Variants in EHMT1 observed in about 807,000 individuals in gnomAD.
EHMT1 encodes euchromatic histone lysine methyltransferase 1.
A neutral mutation model predicts 147.2 loss-of-function variants in EHMT1; 15 were observed. The ratio of observed to expected loss-of-function variants is 0.10; its 90% CI spans 0.07 to 0.16. The LOEUF (loss-of-function observed/expected upper bound fraction) is 0.16, where lower values mean the gene tolerates loss of function less well. EHMT1 is among the 10% of genes least tolerant of loss of function. The probability of loss-of-function intolerance (pLI) is 1.00; values close to 1 mark genes in which losing one functional copy is unlikely to be tolerated. For synonymous variants in EHMT1, 795 were observed against 709.6 expected, an observed-to-expected ratio of 1.12 and a Z score of -1.91; for missense variants, 1,587 against 1,772.4, an observed-to-expected ratio of 0.90 and a Z score of 1.88.
rs1313216933 is a variant in EHMT1, at chr9:137,813,364, A to C, written c.3036-22A>C. ...GGCAGAGCACGTCAGCCACCAGGTG[A>C]CACCTGTCCTTTCCATGGCAGGGAC... On this transcript the variant is annotated intron_variant, in intron 20 of 26. Coordinates refer to ENST00000460843, the MANE Select transcript of EHMT1 (RefSeq NM_024757.5). The surrounding 1 kb of genome is among the most constrained non-coding windows in gnomAD (Gnocchi z 4.9). 1.9e-6 allele frequency: 3 copies of C among 1,605,396 alleles called. No individual in the cohort carries two copies.
At chr9:137,726,511 C>T (rs1052077692) in intron 3 of EHMT1, among the ~76,000 whole-genome samples, 2 of 151,794 alleles carry the variant, frequency 1.3e-5, no homozygotes, top group East Asian at 1.9e-4. Flanking sequence ...TTTGCTGATC[C>T]GTTCGCCCGA....
chr9:137,710,678 C>T (rs1485780839), intron 1 of EHMT1, among the ~76,000 whole-genome samples: 1 of 152,084 alleles, frequency 6.6e-6, no homozygotes, highest in Non-Finnish European at 1.5e-5. Flanking sequence ...TGTAACAGAG[C>T]CCAAAGATTT....
chr9:137,698,127 A>G (rs1943552854), intron 1 of EHMT1, among the ~76,000 whole-genome samples: 1 of 152,206 alleles, frequency 6.6e-6, no homozygotes, highest in South Asian at 2.1e-4. Context: ...GCAGAGACAC[A>G]GTGTGGAAAC....
At chr9:137,794,897 G>C (rs980587117) in intron 16 of EHMT1, among the ~76,000 whole-genome samples, 2 of 152,194 alleles carry the variant, frequency 1.3e-5, no homozygotes, top group Non-Finnish European at 2.9e-5. Context: ...GAATCCTGAA[G>C]CTTCCAGGAG....
chr9:137,735,047 T>C (rs1490356828), intron 4 of EHMT1, among the ~76,000 whole-genome samples: 1 of 152,224 alleles, frequency 6.6e-6, no homozygotes, highest in Non-Finnish European at 1.5e-5. Context: ...ATTGTAACAG[T>C]GGTTTGTACC....
At chr9:137,642,666 A>G (rs978921429) in intron 1 of EHMT1, among the ~76,000 whole-genome samples, 1 of 152,136 alleles carries the variant, frequency 6.6e-6, no homozygotes, top group South Asian at 2.1e-4. Flanking sequence ...GCATAGCTTA[A>G]TTTCTTTTGC....
At chr9:137,728,253 G>A (rs995290811) in intron 3 of EHMT1, 96 bp from the exon 4 acceptor site, 3 of 1,529,118 alleles carry the variant, frequency 2.0e-6, no homozygotes, top group South Asian at 2.3e-5. Context: ...CGGTTGTGGG[G>A]AATTATCGGG....
intron 4 of EHMT1, among the ~76,000 whole-genome samples, chr9:137,730,972 A>G (rs760864372): frequency 1.3e-5 from 2 of 152,254 alleles, no homozygotes; most frequent in Admixed American, 6.5e-5. Flanking sequence ...TTGCAAAACT[A>G]TGGAGTTATG....
In EHMT1 at chr9:137,762,785, A is replaced by G; in HGVS notation, c.1612A>G (p.Asn538Asp). 6.2e-7 allele frequency: 1 copy of G among 1,614,270 alleles called. No homozygotes were observed. The highest frequency in any genetic ancestry group is 1.1e-5 in the South Asian group (1 of 91,092). The change falls in exon 10 of 27, where the codon AAC becomes GAC. Residue 538 changes from asparagine to aspartate, a missense_variant. This residue lies in a region of EHMT1 where 124 missense variants were observed against 197.8 expected (regional missense o/e 0.63). Coordinates refer to ENST00000460843, the MANE Select transcript of EHMT1 (RefSeq NM_024757.5). ...KSREITTLANNQCMATESVDH... is the reference protein window; with the variant it reads ...KSREITTLANDQCMATESVDH... The stretch of plus-strand genomic sequence containing the variant: ...TCGAGAGATCACCACACTGGCCAAC[A>G]ACCAGTGCATGGCTACAGAGAGCGT...
chr9:137,635,769 G>A (rs1844011661), intron 1 of EHMT1, among the ~76,000 whole-genome samples: 1 of 151,406 alleles, frequency 6.6e-6, no homozygotes, highest in African/African-American at 2.4e-5. Context: ...GCAGTGAGCT[G>A]AGATGGTGCC....
At position 137,793,976 on chromosome 9, in the gene EHMT1, A is replaced by G. The variant is rs528758657; in HGVS notation, c.2505+3006A>G. Among the ~76,000 whole-genome samples, 4 of 152,350 alleles carry G rather than the reference A, an allele frequency of 2.6e-5. No individual in the cohort carries two copies. In the South Asian group the frequency reaches 8.3e-4, roughly 32 times the overall value. On this transcript the variant is annotated intron_variant, in intron 16 of 26. Coordinates refer to ENST00000460843, the MANE Select transcript of EHMT1 (RefSeq NM_024757.5). ...TGATTGTGAATGTGTTTAATGCCAC[A>G]AAACTGTATAAAATGTTTTAAATGG...
At chr9:137,640,200 G>A (rs557153567) in intron 1 of EHMT1, among the ~76,000 whole-genome samples, 7 of 152,202 alleles carry the variant, frequency 4.6e-5, no homozygotes, top group Admixed American at 4.6e-4. Context: ...CTCCCAAAGT[G>A]CTGGGATTAC....
At chr9:137,649,102 T>C (rs571398182) in intron 1 of EHMT1, among the ~76,000 whole-genome samples, 38 of 152,302 alleles carry the variant, frequency 2.5e-4, no homozygotes, top group South Asian at 1.2e-3. Context: ...CCCTGTGACT[T>C]CAGAAATAGT....
intron 1 of EHMT1, among the ~76,000 whole-genome samples, chr9:137,620,968 C>T (rs1236764236): frequency 6.6e-6 from 1 of 152,140 alleles, no homozygotes; most frequent in South Asian, 2.1e-4. Flanking sequence ...CTAGCAGCAA[C>T]CTTAAGAGGT....
At position 137,712,390 on chromosome 9, in the gene EHMT1, G is replaced by T. The variant is rs141165844; in HGVS notation, c.85+1360G>T. On this transcript the variant is annotated intron_variant, in intron 2 of 26. Transcript: ENST00000460843. ...GGGGAACTGCTGGACCCCCACGGTG[G>T]CTGCCCCATCTTGCTTTCCCTGCAG... Among the ~76,000 whole-genome samples the T allele has an allele frequency of 2.3e-3, 343 of 152,284 alleles. 1 individual carries two copies. The highest frequency in any genetic ancestry group is 4.1e-3 in the Non-Finnish European group (280 of 68,012).
chr9:137,797,869 G>A (rs1224709052), intron 16 of EHMT1, among the ~76,000 whole-genome samples: 2 of 152,174 alleles, frequency 1.3e-5, no homozygotes, highest in South Asian at 2.1e-4. Flanking sequence ...GGTGGAGTGC[G>A]TCTGCGGGCC....
rs557752999 is a variant in EHMT1 at position 137,732,935 on chromosome 9, C to T, written c.823+4406C>T. Among the ~76,000 whole-genome samples, 12 of 152,150 alleles carry T rather than the reference C, an allele frequency of 7.9e-5. No homozygotes were observed. The highest frequency in any genetic ancestry group is 1.8e-4 in the Non-Finnish European group (12 of 68,032). On this transcript the variant is annotated intron_variant, in intron 4 of 26. Transcript: ENST00000460843. The surrounding 1 kb of genome is among the most constrained non-coding windows in gnomAD (Gnocchi z 4.6). ...TGATCACAGATGGTTCTGCTCTTTC[C>T]CTCCTGCTACCCCCTTAAGTTTACC... is the stretch of plus-strand genomic sequence containing the variant.
chr9:137,740,132 A>G (rs766170557), intron 4 of EHMT1, among the ~76,000 whole-genome samples: 32 of 151,416 alleles, frequency 2.1e-4, no homozygotes, highest in Non-Finnish European at 4.6e-4. Flanking sequence ...CACCTCTTCT[A>G]CCCAGCAGCC....
At position 137,717,132 on chromosome 9, in the gene EHMT1, G is replaced by A. The variant is rs761554206; in HGVS notation, c.592G>A (p.Val198Ile). The A allele has an allele frequency of 1.2e-5, 19 of 1,612,530 alleles. No individual in the cohort carries two copies. Among genetic ancestry groups the A allele is most frequent in the Non-Finnish European group, 1.4e-5 (17 of 1,179,940 alleles). Residue 198 changes from valine to isoleucine, a missense_variant, in exon 3 of 27, where the codon GTC becomes ATC. Coordinates refer to ENST00000460843, the MANE Select transcript of EHMT1 (RefSeq NM_024757.5). ...GAAGCTCCCGGCCCCTGGCGCCGAC[G>A]TCAAGGTCCACAGGGCACGCAAGAC... ...DRKLPAPGAD[V>I]KVHRARKTMP...
Sources: allele counts gnomAD v4.1 joint callset (sites outside exome capture counted in the v4.1 genomes callset), GRCh38; gene constraint gnomAD v4.1.1; regional missense constraint gnomAD v4.1.1; non-coding constraint Gnocchi (gnomAD v3.1); transcripts MANE v1.5; gene names NCBI Gene and HGNC (gene_info 2026-07-23, HGNC 2026-07-21).